Variants in GLCE observed in about 807,000 individuals in gnomAD.
GLCE encodes D-glucuronyl C5-epimerase.
In GLCE, 19 loss-of-function variants were observed where a neutral mutation model predicts 47.9. That is an observed-to-expected ratio of 0.40 (90% CI 0.28 to 0.58). The LOEUF is 0.58. GLCE is among the 20% of genes least tolerant of loss of function. GLCE has a pLI of 0.48. For synonymous variants in GLCE, 245 were observed against 263.4 expected (o/e 0.93, Z 0.68); for missense variants, 556 against 743.3 (o/e 0.75, Z 2.93).
At chr15:69,186,222 C>G (rs145993100) in intron 1 of GLCE, among the ~76,000 whole-genome samples, 230 of 152,168 alleles carry the variant, frequency 1.5e-3, no homozygotes, top group African/African-American at 5.4e-3. Context: ...AGGCAGGACC[C>G]TCTCTGGAGG....
rs1219259472 is a variant in GLCE at position 69,270,425 on chromosome 15, C to T, written c.*1181C>T. The T allele has an allele frequency of 2.0e-5, 3 of 151,982 alleles. No individual in the cohort carries two copies. The highest frequency in any genetic ancestry group is 1.9e-4 in the East Asian group (1 of 5,168). The allele number at this position is 151,982 out of a possible 1,614,324, so 9.4% of individuals were successfully genotyped here. On this transcript the variant is annotated 3_prime_UTR_variant, in exon 5 of 5. Coordinates refer to ENST00000261858, the MANE Select transcript of GLCE (RefSeq NM_015554.3). ...TTTAGGTATACATATCCTCCTATAC[C>T]GCACATAAATAGATTTCAGAGCCCC...
intron 2 of GLCE, among the ~76,000 whole-genome samples, chr15:69,238,426 A>G (rs1440998633): frequency 6.6e-6 from 1 of 152,146 alleles, no homozygotes. Context: ...TATGTGGGTG[A>G]TAAAAAAAAA....
At chr15:69,240,540 A>C (rs1251820277) in intron 2 of GLCE, among the ~76,000 whole-genome samples, 2 of 152,134 alleles carry the variant, frequency 1.3e-5, no homozygotes, top group African/African-American at 4.8e-5. Context: ...GTGGGGATGA[A>C]AGTGGGGGCT....
intron 1 of GLCE, among the ~76,000 whole-genome samples, chr15:69,167,924 C>T (rs2051529612): frequency 6.7e-6 from 1 of 149,560 alleles, no homozygotes; most frequent in South Asian, 2.1e-4. Flanking sequence ...TTAACATGTT[C>T]TTTCAGATAT....
chr15:69,173,051 G>A (rs2051610993), intron 1 of GLCE, among the ~76,000 whole-genome samples: 1 of 151,966 alleles, frequency 6.6e-6, no homozygotes, highest in African/African-American at 2.4e-5. Flanking sequence ...TGTGTGCCTG[G>A]GTGTGTCTCC....
chr15:69,264,622 C>T (rs2053060791), intron 4 of GLCE, among the ~76,000 whole-genome samples: 1 of 152,118 alleles, frequency 6.6e-6, no homozygotes, highest in Admixed American at 6.6e-5. Context: ...CATACTGTTT[C>T]CTAATGACTA....
chr15:69,169,781 T>C (rs957943844), intron 1 of GLCE, among the ~76,000 whole-genome samples: 1 of 152,186 alleles, frequency 6.6e-6, no homozygotes, highest in Non-Finnish European at 1.5e-5. Flanking sequence ...ATTTTCTTAA[T>C]CCACCCTATC....
rs771085829 is a variant in GLCE, at chr15:69,263,543, G to A, written c.829+2214G>A. ...GCATATTTTTGTTGTTTTATTTGTC[G>A]AATAATGTTTTATTCCTTTTTCTAA... On this transcript the variant is annotated intron_variant, in intron 4 of 4. Transcript: ENST00000261858. 9.2e-5 allele frequency among the ~76,000 whole-genome samples: 14 copies of A among 151,744 alleles called. 1 individual carries two copies. The highest frequency in any genetic ancestry group is 2.1e-4 in the South Asian group (1 of 4,802).
At chr15:69,199,302 G>A (rs371422283) in intron 1 of GLCE, among the ~76,000 whole-genome samples, 1 of 152,124 alleles carries the variant, frequency 6.6e-6, no homozygotes, top group Non-Finnish European at 1.5e-5. Flanking sequence ...TAATCTGATA[G>A]CAAGCTGTAT....
intron 3 of GLCE, among the ~76,000 whole-genome samples, chr15:69,258,365 T>A (rs1169313548): frequency 1.3e-5 from 2 of 152,092 alleles, no homozygotes; most frequent in African/African-American, 4.8e-5. Flanking sequence ...AATGCATCTT[T>A]AAAAAAAATT....
At chr15:69,247,901 G>A (rs1461256541) in intron 2 of GLCE, among the ~76,000 whole-genome samples, 1 of 152,136 alleles carries the variant, frequency 6.6e-6, no homozygotes, top group Non-Finnish European at 1.5e-5. Context: ...AATTAAAATA[G>A]CAACATTGAA....
chr15:69,235,540 A>T (rs1445188393), intron 2 of GLCE, among the ~76,000 whole-genome samples: 2 of 152,208 alleles, frequency 1.3e-5, no homozygotes, highest in African/African-American at 4.8e-5. Context: ...AAACTACTTT[A>T]TAAAGCAGAA....
At chr15:69,188,837 A>G (rs1383555208) in intron 1 of GLCE, among the ~76,000 whole-genome samples, 1 of 152,200 alleles carries the variant, frequency 6.6e-6, no homozygotes, top group Non-Finnish European at 1.5e-5. Flanking sequence ...TATTGATCTC[A>G]GAGAGCCAGC....
chr15:69,264,754 A>G (rs1184430363), intron 4 of GLCE, among the ~76,000 whole-genome samples: 2 of 152,128 alleles, frequency 1.3e-5, no homozygotes, highest in East Asian at 3.9e-4. Flanking sequence ...GTGATGATAT[A>G]TCATTGTGGT....
intron 1 of GLCE, among the ~76,000 whole-genome samples, chr15:69,180,813 A>G (rs191730515): frequency 2.0e-5 from 3 of 152,350 alleles, no homozygotes; most frequent in East Asian, 3.9e-4. Flanking sequence ...GATACGTGGT[A>G]TAGAAAGACA....
intron 3 of GLCE, among the ~76,000 whole-genome samples, chr15:69,256,788 G>A (rs1305947903): frequency 5.9e-5 from 9 of 152,186 alleles, no homozygotes; most frequent in Non-Finnish European, 1.3e-4. Flanking sequence ...TGAGTCAGGT[G>A]TCATCTCTGG....
chr15:69,211,037 T>C (rs1197182773), intron 2 of GLCE, among the ~76,000 whole-genome samples: 2 of 152,128 alleles, frequency 1.3e-5, no homozygotes, highest in Non-Finnish European at 2.9e-5. Context: ...AGGCTTGTTG[T>C]ATGAAAACTT....
intron 3 of GLCE, among the ~76,000 whole-genome samples, chr15:69,257,107 T>G (rs2052936269): frequency 1.3e-5 from 2 of 152,218 alleles, no homozygotes; most frequent in African/African-American, 4.8e-5. Flanking sequence ...AAATCTGTAT[T>G]GAAGTAAGTT....
chr15:69,232,311 A>G (rs184486942), intron 2 of GLCE, among the ~76,000 whole-genome samples: 1 of 152,276 alleles, frequency 6.6e-6, no homozygotes, highest in African/African-American at 2.4e-5. Flanking sequence ...ATCTAGGACT[A>G]ATTTATGTTC....
Sources: allele counts gnomAD v4.1 joint callset (sites outside exome capture counted in the v4.1 genomes callset), GRCh38; gene constraint gnomAD v4.1.1; transcripts MANE v1.5; gene names NCBI Gene and HGNC (gene_info 2026-07-23, HGNC 2026-07-21).